Variants in KCNK1 observed in about 807,000 individuals in gnomAD.
KCNK1 encodes potassium channel subfamily K member 1.
KCNK1 carries 10 observed loss-of-function variants against 22.2 expected under a neutral mutation model. The ratio of observed to expected loss-of-function variants is 0.45; its 90% CI spans 0.28 to 0.76. The LOEUF (loss-of-function observed/expected upper bound fraction) is 0.76, where lower values mean the gene tolerates loss of function less well. KCNK1 is among the 30% of genes least tolerant of loss of function. The pLI is 0.14. For missense variants in KCNK1, 378 were observed against 421.0 expected (o/e 0.90, Z 0.89); for synonymous variants, 200 against 186.4 (o/e 1.07, Z -0.60).
At chr1:233,657,139 CAGTGAGGATG>C (rs1278982459) in intron 1 of KCNK1, among the ~76,000 whole-genome samples, 3 of 152,050 alleles carry the variant, frequency 2.0e-5, no homozygotes, top group South Asian at 2.1e-4. Context: ...GGAGGATGGG[CAGTGAGGATG>C]AGTGAGGATG....
At position 233,638,828 on chromosome 1, in the gene KCNK1, C is replaced by A. The variant is rs543071657; in HGVS notation, c.355+24302C>A. Among the ~76,000 whole-genome samples, 4 of 152,340 alleles carry A rather than the reference C, an allele frequency of 2.6e-5. No individual in the cohort carries two copies. The South Asian group carries it at 8.3e-4, about 32-fold the overall frequency. On this transcript the variant is annotated intron_variant, in intron 1 of 2. Transcript: ENST00000366621. The stretch of plus-strand genomic sequence containing the variant: ...TAATATTTTTGGAAAGGGAGGAACT[C>A]ATATGATTCTGCTGAGCAGCTTGTT...
chr1:233,618,292 TAC>T (rs1657520235), intron 1 of KCNK1, among the ~76,000 whole-genome samples: 2 of 151,664 alleles, frequency 1.3e-5, no homozygotes, highest in South Asian at 4.2e-4. Context: ...AACACTGCAA[TAC>T]AGTTTTGAGC....
chr1:233,648,837 G>A (rs943357326), intron 1 of KCNK1, among the ~76,000 whole-genome samples: 1 of 152,144 alleles, frequency 6.6e-6, no homozygotes. Flanking sequence ...AAAGTGCTGG[G>A]ATTATAGGCG....
chr1:233,633,514 CT>C, intron 1 of KCNK1, among the ~76,000 whole-genome samples: 1 of 152,240 alleles, frequency 6.6e-6, no homozygotes, highest in Admixed American at 6.5e-5. Flanking sequence ...ACCACCAATT[CT>C]GTAAGGTGAA....
chr1:233,623,609 G>A (rs1657631284), intron 1 of KCNK1, among the ~76,000 whole-genome samples: 1 of 152,186 alleles, frequency 6.6e-6, no homozygotes, highest in African/African-American at 2.4e-5. Context: ...TTGTTATTGA[G>A]ACGGAGTCTC....
At chr1:233,647,210 G>T (rs185305470) in intron 1 of KCNK1, among the ~76,000 whole-genome samples, 25 of 152,300 alleles carry the variant, frequency 1.6e-4, no homozygotes, top group African/African-American at 5.3e-4. Context: ...CTTTGTTCCA[G>T]ATGAAATCCT....
At chr1:233,669,596 A>G (rs926941852) in intron 2 of KCNK1, among the ~76,000 whole-genome samples, 1 of 152,176 alleles carries the variant, frequency 6.6e-6, no homozygotes, top group African/African-American at 2.4e-5. Flanking sequence ...GCCTGTAATC[A>G]TAGTACTTTG....
rs759018571 is a variant in KCNK1 at position 233,671,552 on chromosome 1, G to A, written c.*22G>A. The A allele has an allele frequency of 6.2e-7, 1 of 1,612,988 alleles. No individual in the cohort carries two copies. Among genetic ancestry groups the A allele is most frequent in the Non-Finnish European group, 8.5e-7 (1 of 1,179,550 alleles). ...TTGAGCGTAGGATTTGTTGCATTATGCTAGAGCACCAGGGTCAGGGTGCAA... is the reference window on the plus strand; with the variant it reads ...TTGAGCGTAGGATTTGTTGCATTATACTAGAGCACCAGGGTCAGGGTGCAA... On this transcript the variant is annotated 3_prime_UTR_variant, in exon 3 of 3. Coordinates refer to ENST00000366621, the MANE Select transcript of KCNK1 (RefSeq NM_002245.4).
chr1:233,653,168 G>C (rs909800046), intron 1 of KCNK1, among the ~76,000 whole-genome samples: 1 of 152,110 alleles, frequency 6.6e-6, no homozygotes, highest in East Asian at 1.9e-4. Context: ...CCCTAAACCT[G>C]CTTATGCTGC....
rs188329245 is a variant in KCNK1 at position 233,667,065 on chromosome 1, C to T, written c.751+75C>T. ...TATTTATTTATTTATTTATTTTGAGCCCAGCTCTCACTCTGTTGCCCAGGC... is the reference window on the plus strand; with the variant it reads ...TATTTATTTATTTATTTATTTTGAGTCCAGCTCTCACTCTGTTGCCCAGGC... On this transcript the variant is annotated intron_variant, in intron 2 of 2. Coordinates refer to ENST00000366621, the MANE Select transcript of KCNK1 (RefSeq NM_002245.4). 3.4e-6 allele frequency: 4 copies of T among 1,169,970 alleles called. No individual in the cohort carries two copies. The African/African-American group carries it at 5.0e-5, about 15-fold the overall frequency. The allele number at this position is 1,169,970 out of a possible 1,614,324, so 72.5% of individuals were successfully genotyped here.
intron 1 of KCNK1, among the ~76,000 whole-genome samples, chr1:233,662,606 G>T (rs1658416480): frequency 6.6e-6 from 1 of 152,146 alleles, no homozygotes. Flanking sequence ...ATAGTGTCAG[G>T]GCTGTTGTAA....
intron 1 of KCNK1, among the ~76,000 whole-genome samples, chr1:233,627,947 A>T (rs779386941): frequency 1.3e-5 from 2 of 152,210 alleles, no homozygotes; most frequent in Non-Finnish European, 2.9e-5. Context: ...TATGTTTGGC[A>T]CCTGAACTTG....
At position 233,671,509 on chromosome 1, in the gene KCNK1, G is replaced by A. The variant is rs1009466525; in HGVS notation, c.990G>A (p.Val330=). 3.7e-6 allele frequency: 6 copies of A among 1,613,980 alleles called. No homozygotes were observed. In the Admixed American group the frequency reaches 1.0e-4, roughly 27 times the overall value. Residue 330 remains valine, a synonymous_variant, in exon 3 of 3, where the codon GTG becomes GTA. Transcript: ENST00000366621. ...PFVATQSSAC[V]DGPANH ...TGGCCACCCAGTCATCTGCCTGCGT[G>A]GATGGCCCTGCAAACCATTGAGCGT...
At chr1:233,624,684 G>A (rs1344229323) in intron 1 of KCNK1, among the ~76,000 whole-genome samples, 2 of 152,202 alleles carry the variant, frequency 1.3e-5, no homozygotes, top group Non-Finnish European at 1.5e-5. Context: ...CTCTTGATGA[G>A]GAAACAGAGG....
chr1:233,665,687 G>C lies in KCNK1; in HGVS notation c.356-908G>C, dbSNP rs1007851837. On this transcript the variant is annotated intron_variant, in intron 1 of 2. Transcript: ENST00000366621. ...TTGCAACAAAGAGTCTTCAGTGGGG[G>C]CAGAGCCTTCCCGGCAAATGCCAAG... 2.0e-5 allele frequency among the ~76,000 whole-genome samples: 3 copies of C among 150,730 alleles called. No homozygotes were observed. In the Admixed American group the frequency reaches 2.0e-4, roughly 10 times the overall value.
At chr1:233,662,115 G>A (rs542135999) in intron 1 of KCNK1, among the ~76,000 whole-genome samples, 1 of 152,296 alleles carries the variant, frequency 6.6e-6, no homozygotes, top group East Asian at 1.9e-4. Context: ...CTGAAGTCGA[G>A]GACTGCAAAG....
intron 1 of KCNK1, among the ~76,000 whole-genome samples, chr1:233,645,208 A>AG (rs1362478442): frequency 1.3e-5 from 2 of 151,728 alleles, no homozygotes; most frequent in African/African-American, 4.8e-5. Context: ...AAAAAAAAAA[A>AG]GAGATATGAC....
intron 1 of KCNK1, among the ~76,000 whole-genome samples, chr1:233,646,994 G>A (rs1423468624): frequency 1.3e-5 from 2 of 152,114 alleles, no homozygotes; most frequent in African/African-American, 4.8e-5. Flanking sequence ...AGTGAGTGAC[G>A]CCTCTTATTG....
At chr1:233,655,664 T>A (rs1571901840) in intron 1 of KCNK1, 1 of 152,230 alleles carries the variant, frequency 6.6e-6, no homozygotes, top group East Asian at 1.9e-4. Context: ...GACTCGTGCC[T>A]TTATAAAAGA....
Sources: allele counts gnomAD v4.1 joint callset (sites outside exome capture counted in the v4.1 genomes callset), GRCh38; gene constraint gnomAD v4.1.1; transcripts MANE v1.5; gene names NCBI Gene and HGNC (gene_info 2026-07-23, HGNC 2026-07-21).